The following SLC24A2 variants were observed in gnomAD, a reference collection of about 807,000 sequenced individuals.
SLC24A2 encodes the protein sodium/potassium/calcium exchanger 2.
Under a neutral mutation model 62.0 loss-of-function variants are expected in SLC24A2, and 36 were observed. The observed-to-expected ratio is 0.58, with a 90% CI of 0.44 to 0.77. The LOEUF is 0.77. Ranked by LOEUF, SLC24A2 falls within the 30% of genes least tolerant of loss-of-function variation. The pLI, the probability that SLC24A2 is intolerant of heterozygous loss-of-function variation, is 0.00. For missense variants in SLC24A2, 846 were observed against 817.9 expected (o/e 1.03, Z -0.42); for synonymous variants, 358 against 294.0 (o/e 1.22, Z -2.23).
At chr9:19,992,190 C>T in the SLC24A2 span, among the ~76,000 whole-genome samples, 1 of 152,138 alleles carries the variant, frequency 6.6e-6, no homozygotes, top group Admixed American at 6.5e-5. Flanking sequence ...TGAGAATCTC[C>T]AAGAGAACAA....
chr9:20,101,975 G>T, the SLC24A2 span, among the ~76,000 whole-genome samples: 1 of 152,104 alleles, frequency 6.6e-6, no homozygotes, highest in Non-Finnish European at 1.5e-5. Flanking sequence ...TTCTCTTTCA[G>T]TGTTCCTAGG....
At chr9:20,299,503 G>C in the SLC24A2 span, among the ~76,000 whole-genome samples, 1 of 152,194 alleles carries the variant, frequency 6.6e-6, no homozygotes, top group South Asian at 2.1e-4. Flanking sequence ...TCACTCCCTT[G>C]AGGGGGCTCC....
intron 2 of SLC24A2, among the ~76,000 whole-genome samples, chr9:19,652,167 C>G (rs926655561): frequency 3.9e-5 from 6 of 152,146 alleles, no homozygotes; most frequent in Non-Finnish European, 7.3e-5. Flanking sequence ...CTACTATACT[C>G]TCATGTTTCA....
intron 2 of SLC24A2, among the ~76,000 whole-genome samples, chr9:19,761,316 C>T (rs1822318366): frequency 6.6e-6 from 1 of 152,120 alleles, no homozygotes; most frequent in East Asian, 1.9e-4. Flanking sequence ...TCCTCTCTAG[C>T]ATCTGTTGTT....
Position 19,567,328 on chromosome 9 carries a change from C to G in SLC24A2, c.1347+6023G>C, listed in dbSNP as rs984499681. 4.6e-5 allele frequency among the ~76,000 whole-genome samples: 7 copies of G among 151,854 alleles called. No homozygotes were observed. The East Asian group carries it at 1.4e-3, about 29-fold the overall frequency. On this transcript the variant is annotated intron_variant, in intron 7 of 10. Transcript: ENST00000341998. ...TTGGGAGGCCGAGGTGGGTGGATCA[C>G]CAGGTCAGGAGATCAAGACCTTCCT...
At chr9:19,867,605 A>C in the SLC24A2 span, among the ~76,000 whole-genome samples, 1 of 152,016 alleles carries the variant, frequency 6.6e-6, no homozygotes, top group East Asian at 1.9e-4. Flanking sequence ...TGTCAATGTT[A>C]TTAATCATAA....
chr9:20,173,302 T>C, the SLC24A2 span, among the ~76,000 whole-genome samples: 2 of 152,076 alleles, frequency 1.3e-5, no homozygotes, highest in South Asian at 4.1e-4. Context: ...ACCACTTCTC[T>C]TCAACATAGT....
At chr9:19,531,916 T>C (rs565436080) in intron 8 of SLC24A2, among the ~76,000 whole-genome samples, 44 of 152,280 alleles carry the variant, frequency 2.9e-4, no homozygotes, top group African/African-American at 1.1e-3. Context: ...ACCTCGCACA[T>C]AAGTGCTCAG....
chr9:19,629,750 C>G (rs1818129209), intron 2 of SLC24A2, among the ~76,000 whole-genome samples: 1 of 152,122 alleles, frequency 6.6e-6, no homozygotes, highest in African/African-American at 2.4e-5. Context: ...CGGGTGGGCT[C>G]AGTCTTTGAT....
intron 8 of SLC24A2, among the ~76,000 whole-genome samples, chr9:19,533,694 G>C (rs1047784073): frequency 1.3e-5 from 2 of 152,208 alleles, no homozygotes; most frequent in Non-Finnish European, 2.9e-5. Context: ...AAGACCAGCA[G>C]CTGAACTGTC....
chr9:20,059,420 A>C, the SLC24A2 span, among the ~76,000 whole-genome samples: 1 of 152,200 alleles, frequency 6.6e-6, no homozygotes, highest in African/African-American at 2.4e-5. Flanking sequence ...AGTCTCCATA[A>C]ATTTTAAAAG....
At chr9:20,022,742 A>G in the SLC24A2 span, among the ~76,000 whole-genome samples, 1 of 152,066 alleles carries the variant, frequency 6.6e-6, no homozygotes, top group Non-Finnish European at 1.5e-5. Context: ...AAGAACAGTC[A>G]AACAAACAAA....
At chr9:19,614,435 C>T (rs1213702536) in intron 4 of SLC24A2, among the ~76,000 whole-genome samples, 1 of 152,152 alleles carries the variant, frequency 6.6e-6, no homozygotes, top group Non-Finnish European at 1.5e-5. Context: ...ATAATGTGGT[C>T]CATCCAGAGC....
rs1465855922 is a variant in SLC24A2, at chr9:19,599,010, A to G, written c.1079-1731T>C. Reference sequence around the variant, plus strand: ...TCTGTGTTTGCAAAGTTGGATGTAAACTATATTCTACACAGTGACAATACA... The same window carrying G: ...TCTGTGTTTGCAAAGTTGGATGTAAGCTATATTCTACACAGTGACAATACA... On this transcript the variant is annotated intron_variant, in intron 4 of 10. Transcript: ENST00000341998. The surrounding 1 kb of genome is among the most constrained non-coding windows in gnomAD (Gnocchi z 4.5). Among the ~76,000 whole-genome samples the G allele has an allele frequency of 6.6e-6, 1 of 152,170 alleles. No individual in the cohort carries two copies. Among genetic ancestry groups the G allele is most frequent in the Non-Finnish European group, 1.5e-5 (1 of 68,024 alleles).
the SLC24A2 span, among the ~76,000 whole-genome samples, chr9:20,127,016 C>A: frequency 1.3e-5 from 2 of 151,920 alleles, no homozygotes; most frequent in African/African-American, 4.8e-5. Flanking sequence ...CCAGATCAAA[C>A]TTCATTTCAT....
chr9:20,134,968 AG>A, the SLC24A2 span, among the ~76,000 whole-genome samples: 1 of 152,184 alleles, frequency 6.6e-6, no homozygotes, highest in African/African-American at 2.4e-5. Context: ...TGTATTTCTC[AG>A]GCACCACATT....
chr9:19,831,927 T>A, the SLC24A2 span, among the ~76,000 whole-genome samples: 5 of 152,248 alleles, frequency 3.3e-5, no homozygotes, highest in African/African-American at 1.2e-4. Flanking sequence ...ATGATACATA[T>A]CAAATTAAAA....
chr9:19,632,703 G>A lies in SLC24A2; in HGVS notation c.931-10404C>T, dbSNP rs77047377. On this transcript the variant is annotated intron_variant, in intron 2 of 10. Coordinates refer to ENST00000341998, the MANE Select transcript of SLC24A2 (RefSeq NM_020344.4). The surrounding 1 kb of genome is among the most constrained non-coding windows in gnomAD (Gnocchi z 4.5). ...AAATATGTATAGGGTGGTCCCATGCGCCCTTTACCCAACCTCCTCCAATGA... is the reference window on the plus strand; with the variant it reads ...AAATATGTATAGGGTGGTCCCATGCACCCTTTACCCAACCTCCTCCAATGA... 0.017 allele frequency among the ~76,000 whole-genome samples: 2,532 copies of A among 152,166 alleles called. 49 individuals are homozygous for A. Among genetic ancestry groups the A allele is most frequent in the East Asian group, 0.093 (481 of 5,178 alleles).
At chr9:20,064,370 C>G in the SLC24A2 span, among the ~76,000 whole-genome samples, 1 of 152,100 alleles carries the variant, frequency 6.6e-6, no homozygotes, top group African/African-American at 2.4e-5. Context: ...GGGAAAAGTT[C>G]TAAAATGGAA....
Sources: allele counts gnomAD v4.1 joint callset (sites outside exome capture counted in the v4.1 genomes callset), GRCh38; gene constraint gnomAD v4.1.1; non-coding constraint Gnocchi (gnomAD v3.1); transcripts MANE v1.5; gene names NCBI Gene and HGNC (gene_info 2026-07-23, HGNC 2026-07-21).